The following MALT1 variants were observed in gnomAD, a reference collection of about 807,000 sequenced individuals.
MALT1 encodes the protein mucosa-associated lymphoid tissue lymphoma translocation protein 1.
In MALT1, 36 loss-of-function variants were observed where a neutral mutation model predicts 85.5. The ratio of observed to expected loss-of-function variants is 0.42; its 90% CI spans 0.32 to 0.56. The LOEUF is 0.56. MALT1 is among the 20% of genes least tolerant of loss of function. The pLI is 0.10. For synonymous variants in MALT1, 359 were observed against 361.3 expected (o/e 0.99, Z 0.07); for missense variants, 716 against 981.6 (o/e 0.73, Z 3.62).
chr18:58,684,906 C>T (rs1472232647), intron 2 of MALT1, among the ~76,000 whole-genome samples: 1 of 152,110 alleles, frequency 6.6e-6, no homozygotes. Context: ...CTCGTGTATT[C>T]AATAAAGTTT....
rs781745181 is a variant in MALT1 at position 58,747,816 on chromosome 18, G to A, written c.2449G>A (p.Asp817Asn). Residue 817 changes from aspartate (D) to asparagine (N), a missense_variant, in exon 17 of 17, where the codon GAC becomes AAC. Asp to Asn is a conservative substitution (Grantham distance 23). This residue lies in a region of MALT1 where 260 missense variants were observed against 323.7 expected (regional missense o/e 0.80). Transcript: ENST00000649217. Reference sequence around the variant, plus strand: ...TGATGAAATACCATTTAGTTTCTCTGACAGGCTCAGAATTTCTGAAAAATG... The same window carrying A: ...TGATGAAATACCATTTAGTTTCTCTAACAGGCTCAGAATTTCTGAAAAATG... ...TTDEIPFSFS[D>N]RLRISEK 4.0e-5 allele frequency: 64 copies of A among 1,613,054 alleles called. No individual in the cohort carries two copies. Among genetic ancestry groups the A allele is most frequent in the Non-Finnish European group, 5.4e-5 (64 of 1,179,316 alleles).
In MALT1 at chr18:58,750,145, A is replaced by T. The variant is rs569432133; in HGVS notation, c.*2303A>T. On this transcript the variant is annotated 3_prime_UTR_variant, in exon 17 of 17. Coordinates refer to ENST00000649217, the MANE Select transcript of MALT1 (RefSeq NM_006785.4). Reference sequence around the variant, plus strand: ...ATAAATGAGTTCAACAGGTTGCAGGATACAAGATCAGTTTTATTTCTCTAC... The same window carrying T: ...ATAAATGAGTTCAACAGGTTGCAGGTTACAAGATCAGTTTTATTTCTCTAC... 1.1e-5 allele frequency: 2 copies of T among 180,882 alleles called. No homozygotes were observed. The highest frequency in any genetic ancestry group is 3.9e-4 in the South Asian group (2 of 5,094). 11.2% of individuals were successfully genotyped at this position (180,882 alleles called of 1,614,324 possible). A position where few individuals can be genotyped will look rare whatever the true frequency, so the allele number is the denominator to read the frequency against.
intron 4 of MALT1, among the ~76,000 whole-genome samples, chr18:58,707,130 A>T (rs1170215100): frequency 6.6e-6 from 1 of 151,948 alleles, no homozygotes; most frequent in Non-Finnish European, 1.5e-5. Context: ...TGGTAAGCCC[A>T]TCGAATGCAC....
chr18:58,746,650 T>A (rs1262551217), intron 16 of MALT1, among the ~76,000 whole-genome samples: 1 of 152,218 alleles, frequency 6.6e-6, no homozygotes, highest in Non-Finnish European at 1.5e-5. Context: ...TTCAGTTATA[T>A]TTTCCACCTA....
At chr18:58,671,933 G>A in intron 1 of MALT1, 81 bp downstream of exon 1, 1 of 1,022,424 alleles carries the variant, frequency 9.8e-7, no homozygotes, top group South Asian at 4.9e-5. Flanking sequence ...GCTGTCGGTG[G>A]GGCTGAGCGC....
At chr18:58,734,700 G>A (rs1260708949) in intron 12 of MALT1, 3 of 264,306 alleles carry the variant, frequency 1.1e-5, no homozygotes, top group Non-Finnish European at 2.2e-5. Flanking sequence ...ATCGACTTTA[G>A]CATTCCATAT....
intron 1 of MALT1, among the ~76,000 whole-genome samples, chr18:58,679,942 G>T (rs929387288): frequency 2.8e-4 from 42 of 152,210 alleles, no homozygotes; most frequent in Non-Finnish European, 5.1e-4. Context: ...CCAGCTCTTT[G>T]GGAGGCAGAG....
At chr18:58,720,423 G>A (rs2054967565) in intron 9 of MALT1, among the ~76,000 whole-genome samples, 2 of 152,138 alleles carry the variant, frequency 1.3e-5, no homozygotes, top group Non-Finnish European at 2.9e-5. Flanking sequence ...GATTGGACAG[G>A]TAAGATTTAC....
At chr18:58,700,612 A>G (rs768940563) in intron 4 of MALT1, 21 bp downstream of exon 4, 2 of 1,570,178 alleles carry the variant, frequency 1.3e-6, no homozygotes, top group Admixed American at 2.1e-5. Flanking sequence ...AAAGAAGCTG[A>G]ATGTTGGGAT....
chr18:58,700,021 T>A (rs1460444516), intron 3 of MALT1, among the ~76,000 whole-genome samples: 2 of 152,240 alleles, frequency 1.3e-5, no homozygotes, highest in Non-Finnish European at 2.9e-5. Flanking sequence ...TCCCAGCTAA[T>A]GTGGTCAGAG....
At chr18:58,728,630 A>T (rs77489333) in intron 10 of MALT1, among the ~76,000 whole-genome samples, 12,275 of 152,232 alleles carry the variant, frequency 0.081, 681 homozygotes, top group East Asian at 0.22. Context: ...TAAATTTTTT[A>T]AAAAAATGAT....
chr18:58,742,027 C>G lies in MALT1; in HGVS notation c.1753+13C>G. On this transcript the variant is annotated intron_variant, in intron 14 of 16. Transcript: ENST00000649217. ...GCCAAGGCTCATGGTACGGTAAAGC[C>G]CATTTTTTGTTAGATCTACAATATA... 3 of 1,474,218 alleles carry G rather than the reference C, an allele frequency of 2.0e-6. No individual in the cohort carries two copies. The highest frequency in any genetic ancestry group is 2.7e-6 in the Non-Finnish European group (3 of 1,090,970). The allele number at this position is 1,474,218 out of a possible 1,614,324, so 91.3% of individuals were successfully genotyped here. A position where few individuals can be genotyped will look rare whatever the true frequency, so the allele number is the denominator to read the frequency against.
At chr18:58,745,865 T>C in intron 16 of MALT1, 74 bp downstream of exon 16, 6 of 1,335,672 alleles carry the variant, frequency 4.5e-6, no homozygotes, top group Non-Finnish European at 6.3e-6. Flanking sequence ...GCATAGACCA[T>C]AGATATGCTG....
Position 58,748,296 on chromosome 18 carries a change from A to G in MALT1, c.*454A>G, listed in dbSNP as rs1405658805. ...CCAGAACTGAGACCTCCAGAAATCT[A>G]TTCCAGTATTTTTTCCACTACACAA... is the stretch of plus-strand genomic sequence containing the variant. On this transcript the variant is annotated 3_prime_UTR_variant, in exon 17 of 17. Transcript: ENST00000649217. The G allele has an allele frequency of 4.7e-6, 1 of 213,500 alleles. No individual in the cohort carries two copies. Among genetic ancestry groups the G allele is most frequent in the Non-Finnish European group, 9.5e-6 (1 of 105,434 alleles). The allele number at this position is 213,500 out of a possible 1,614,324, so 13.2% of individuals were successfully genotyped here. A position where few individuals can be genotyped will look rare whatever the true frequency, so the allele number is the denominator to read the frequency against.
At chr18:58,711,434 A>G (rs1428688665) in intron 7 of MALT1, among the ~76,000 whole-genome samples, 1 of 152,196 alleles carries the variant, frequency 6.6e-6, no homozygotes, top group Non-Finnish European at 1.5e-5. Context: ...GAAATATTAA[A>G]TATTCTGTAT....
intron 11 of MALT1, 152 bp from the exon 12 acceptor site, chr18:58,734,155 A>C (rs1015237656): frequency 8.6e-7 from 1 of 1,158,878 alleles, no homozygotes; most frequent in Admixed American, 2.8e-5. Context: ...TTTTGGGTAG[A>C]TATGTAGCTA....
rs763295979 is a variant in MALT1 at position 58,700,452 on chromosome 18, A to G, written c.510A>G (p.Gly170=). 2 of 1,596,228 alleles carry G rather than the reference A, an allele frequency of 1.3e-6. No individual in the cohort carries two copies. Among genetic ancestry groups the G allele is most frequent in the African/African-American group, 2.7e-5 (2 of 73,720 alleles). The change falls in exon 4 of 17, where the codon GGA becomes GGG. Residue 170 remains glycine, a synonymous_variant. Transcript: ENST00000649217. ...TGATTCTTTCACAGATTCCAAATGG[A>G]AATACATCAGAGCTTATTTTTAATG... ...WFKMNKEIPN[G]NTSELIFNAV... is the part of the protein sequence containing the mutation.
intron 13 of MALT1, among the ~76,000 whole-genome samples, chr18:58,738,669 CTTTTTTA>C (rs1568154010): frequency 6.6e-6 from 1 of 152,140 alleles, no homozygotes; most frequent in African/African-American, 2.4e-5. Context: ...GATAGTCAGA[CTTTTTTA>C]TTTTTGCCAA....
intron 7 of MALT1, 90 bp downstream of exon 7, chr18:58,711,043 G>C: frequency 1.3e-6 from 1 of 774,516 alleles, no homozygotes; most frequent in Non-Finnish European, 2.0e-6. Flanking sequence ...TGAGTGCAGT[G>C]ATGGAAAAAA....
Sources: allele counts gnomAD v4.1 joint callset (sites outside exome capture counted in the v4.1 genomes callset), GRCh38; gene constraint gnomAD v4.1.1; regional missense constraint gnomAD v4.1.1; transcripts MANE v1.5; gene names NCBI Gene and HGNC (gene_info 2026-07-23, HGNC 2026-07-21).